Variants in UBE2F observed in about 807,000 individuals in gnomAD.
The protein encoded by UBE2F is NEDD8-conjugating enzyme UBE2F.
Under a neutral mutation model 29.6 loss-of-function variants are expected in UBE2F, and 5 were observed. The observed-to-expected ratio is 0.17, with a 90% CI of 0.09 to 0.36. The LOEUF is 0.36. Among genes scored for constraint, UBE2F ranks in the 10% least tolerant of loss-of-function variants. The pLI is 1.00. For synonymous variants in UBE2F, 66 were observed against 81.8 expected (o/e 0.81, Z 1.04); for missense variants, 141 against 228.5 (o/e 0.62, Z 2.47).
chr2:237,999,702 T>C (rs1438019957), intron 4 of UBE2F, among the ~76,000 whole-genome samples: 8 of 152,252 alleles, frequency 5.3e-5, no homozygotes, highest in African/African-American at 1.7e-4. Flanking sequence ...TTTTTGGACT[T>C]GATTCTGTTC....
chr2:238,013,292 G>T (rs2064082293), intron 4 of UBE2F, among the ~76,000 whole-genome samples: 1 of 152,120 alleles, frequency 6.6e-6, no homozygotes, highest in Non-Finnish European at 1.5e-5. Flanking sequence ...AAGAAAGAAA[G>T]AAATGGTTAT....
At chr2:238,009,206 G>T (rs990641796) in intron 4 of UBE2F, among the ~76,000 whole-genome samples, 1 of 152,178 alleles carries the variant, frequency 6.6e-6, no homozygotes, top group Non-Finnish European at 1.5e-5. Flanking sequence ...CTTTGAAGTG[G>T]TTTTTTCTTT....
intron 2 of UBE2F, among the ~76,000 whole-genome samples, chr2:237,983,855 G>A (rs937324478): frequency 3.3e-5 from 5 of 151,874 alleles, no homozygotes; most frequent in African/African-American, 1.2e-4. Flanking sequence ...CCTGCTTTTC[G>A]GCATGTTTCT....
chr2:237,969,612 T>TTA (rs1310776312), intron 1 of UBE2F, among the ~76,000 whole-genome samples: 5 of 152,248 alleles, frequency 3.3e-5, no homozygotes, highest in African/African-American at 1.2e-4. Flanking sequence ...TCTTGGTCCA[T>TTA]TATTGGGTGA....
intron 4 of UBE2F, among the ~76,000 whole-genome samples, chr2:237,998,025 C>G (rs1346796692): frequency 1.3e-5 from 2 of 152,098 alleles, no homozygotes; most frequent in Non-Finnish European, 2.9e-5. Context: ...GCCTGGCTGA[C>G]ATGTTGATGA....
At chr2:238,006,035 A>G (rs563384406) in intron 4 of UBE2F, among the ~76,000 whole-genome samples, 47 of 152,314 alleles carry the variant, frequency 3.1e-4, no homozygotes, top group African/African-American at 9.9e-4. Flanking sequence ...GCATTGCTAT[A>G]AAGAAATACC....
chr2:238,011,201 C>G (rs1366008060), intron 4 of UBE2F, among the ~76,000 whole-genome samples: 6 of 152,226 alleles, frequency 3.9e-5, no homozygotes, highest in Non-Finnish European at 8.8e-5. Context: ...CCTGCAGGGC[C>G]CAACACCCTT....
chr2:238,026,360 T>C (rs2064429118), intron 6 of UBE2F, among the ~76,000 whole-genome samples: 1 of 152,164 alleles, frequency 6.6e-6, no homozygotes, highest in Non-Finnish European at 1.5e-5. Flanking sequence ...TTCATTCCTC[T>C]CTCCTTAGTA....
At chr2:238,022,917 C>T (rs13419364) in intron 5 of UBE2F, among the ~76,000 whole-genome samples, 6,775 of 152,252 alleles carry the variant, frequency 0.044, 524 homozygotes, top group African/African-American at 0.16. Flanking sequence ...GTTTTGCCCT[C>T]TGTTCTGGAA....
intron 5 of UBE2F, among the ~76,000 whole-genome samples, chr2:238,023,698 T>C (rs571880845): frequency 2.8e-4 from 42 of 152,336 alleles, no homozygotes; most frequent in Non-Finnish European, 4.7e-4. Context: ...CTTTTTGAGA[T>C]GACCTTTCTG....
intron 2 of UBE2F, among the ~76,000 whole-genome samples, chr2:237,981,546 C>G (rs969552742): frequency 6.6e-6 from 1 of 151,494 alleles, no homozygotes; most frequent in Admixed American, 6.6e-5. Flanking sequence ...TCAGCCTGCC[C>G]TCCTTCCGTG....
chr2:237,973,796 GTA>G (rs2063219718), intron 2 of UBE2F: 2 of 842,512 alleles, frequency 2.4e-6, no homozygotes, highest in South Asian at 3.9e-5. Flanking sequence ...ATGTATGAGA[GTA>G]TGCGTGCATG....
chr2:238,025,471 C>T (rs1482335543), intron 6 of UBE2F, 59 bp downstream of exon 6: 1 of 1,449,172 alleles, frequency 6.9e-7, no homozygotes, highest in Non-Finnish European at 9.6e-7. Context: ...AAGCGTTGGG[C>T]TTTTAAACAT....
chr2:237,972,036 C>T (rs1254774469), intron 1 of UBE2F, among the ~76,000 whole-genome samples: 2 of 152,204 alleles, frequency 1.3e-5, no homozygotes, highest in South Asian at 4.1e-4. Flanking sequence ...TTTGTTGTCC[C>T]TACTAGTGAG....
At chr2:237,984,225 A>G (rs2063434963) in intron 2 of UBE2F, among the ~76,000 whole-genome samples, 1 of 151,984 alleles carries the variant, frequency 6.6e-6, no homozygotes, top group Non-Finnish European at 1.5e-5. Context: ...AAGCCCCCAC[A>G]CTTTTCTGCC....
intron 3 of UBE2F, among the ~76,000 whole-genome samples, chr2:237,989,956 T>TA (rs2063549450): frequency 6.6e-6 from 1 of 151,782 alleles, no homozygotes; most frequent in South Asian, 2.1e-4. Context: ...CTGTCTCTAC[T>TA]AAAAGTGCAA....
intron 4 of UBE2F, among the ~76,000 whole-genome samples, chr2:237,995,945 A>T (rs78750015): frequency 0.029 from 4,354 of 152,142 alleles, 72 homozygotes; most frequent in Middle Eastern, 0.061. Context: ...TGTTTTTTCT[A>T]TTAGCTGTAC....
At chr2:237,970,174 G>A (rs547005238) in intron 1 of UBE2F, among the ~76,000 whole-genome samples, 4 of 152,210 alleles carry the variant, frequency 2.6e-5, no homozygotes, top group East Asian at 1.9e-4. Context: ...AGACCAGCCC[G>A]GGTAACATGG....
intron 9 of UBE2F, among the ~76,000 whole-genome samples, chr2:238,039,322 C>T (rs1488598622): frequency 1.3e-5 from 2 of 152,096 alleles, no homozygotes; most frequent in Admixed American, 6.5e-5. Context: ...CACAGAGGGC[C>T]GGGTGGTGAG....
Sources: allele counts gnomAD v4.1 joint callset (sites outside exome capture counted in the v4.1 genomes callset), GRCh38; gene constraint gnomAD v4.1.1; transcripts MANE v1.5; gene names NCBI Gene and HGNC (gene_info 2026-07-23, HGNC 2026-07-21).